The following TMPRSS9 variants were observed in gnomAD, a reference collection of about 807,000 sequenced individuals.
TMPRSS9 encodes the protein transmembrane serine protease 9.
A neutral mutation model predicts 111.4 loss-of-function variants in TMPRSS9; 113 were observed. That is an observed-to-expected ratio of 1.01 (90% CI 0.87 to 1.19). The LOEUF (loss-of-function observed/expected upper bound fraction) is 1.19, where lower values mean the gene tolerates loss of function less well. Among genes scored for constraint, TMPRSS9 ranks in the 50% most tolerant of loss-of-function variants. The pLI is 0.00. For synonymous variants in TMPRSS9, 805 were observed against 659.1 expected, an observed-to-expected ratio of 1.22 and a Z score of -3.39; for missense variants, 1,803 against 1,513.1, an observed-to-expected ratio of 1.19 and a Z score of -3.18.
chr19:2,386,002 TG>T (rs1970467487), upstream of TMPRSS9, among the ~76,000 whole-genome samples: 7 of 152,090 alleles, frequency 4.6e-5, no homozygotes. Flanking sequence ...TGGAGTGCAG[TG>T]GTGTGATCAC....
chr19:2,396,455 A>G, intron 1 of TMPRSS9, 84 bp from the exon 3 acceptor site: 1 of 1,450,940 alleles, frequency 6.9e-7, no homozygotes, highest in South Asian at 1.4e-5. Flanking sequence ...GTGAGTGCAA[A>G]CAGGGCGGGG....
intron 17 of TMPRSS9, 141 bp downstream of exon 18, chr19:2,425,634 C>T (rs1971603994): frequency 1.5e-6 from 2 of 1,369,546 alleles, no homozygotes; most frequent in Non-Finnish European, 1.9e-6. Context: ...GCCTTTTTGG[C>T]TCTGGAGGAA....
chr19:2,377,409 A>AAAGGCATGAGCCACCACACCTGGTCTTC lies in TMPRSS9; in HGVS notation c.-25-12352_-25-12351insAAGGCATGAGCCACCACACCTGGTCTTC, dbSNP rs796974218. ...CTCAGCCTCCCAAAGTGCTGGTATT[A>AAAGGCATGAGCCACCACACCTGGTCTTC]CAGGCATGAGCCACCACACCTGGTC... On this transcript the variant is annotated intron_variant, in intron 1 of 17. Coordinates refer to the TMPRSS9 transcript ENST00000649857. 5.7e-4 allele frequency among the ~76,000 whole-genome samples: 80 copies of AAAGGCATGAGCCACCACACCTGGTCTTC among 139,638 alleles called. 1 individual carries two copies. Among genetic ancestry groups the AAAGGCATGAGCCACCACACCTGGTCTTC allele is most frequent in the African/African-American group, 2.0e-3 (74 of 36,294 alleles). 91.6% of individuals were successfully genotyped at this position (139,638 alleles called of 152,430 possible). A position where few individuals can be genotyped will look rare whatever the true frequency, so the allele number is the denominator to read the frequency against.
intron 3 of TMPRSS9, 75 bp from the exon 5 acceptor site, chr19:2,398,943 A>C: frequency 6.5e-7 from 1 of 1,541,636 alleles, no homozygotes; most frequent in Middle Eastern, 1.7e-4. Flanking sequence ...AGTTTGGAAG[A>C]TTCTAGAAGA....
chr19:2,381,249 G>C (rs1432984243), intron 1 of TMPRSS9, among the ~76,000 whole-genome samples: 1 of 152,020 alleles, frequency 6.6e-6, no homozygotes, highest in Non-Finnish European at 1.5e-5. Context: ...TTCTTTCTGT[G>C]AACCAATAAT....
At chr19:2,408,390 G>T in exon 8 of TMPRSS9, 1 of 1,613,800 alleles carries the variant, frequency 6.2e-7, no homozygotes, top group East Asian at 2.2e-5. Context: ...GGCCTACGTG[G>T]GTGCGACCTA....
intron 1 of TMPRSS9, among the ~76,000 whole-genome samples, chr19:2,378,658 C>A (rs1970357282): frequency 6.6e-6 from 1 of 152,196 alleles, no homozygotes; most frequent in African/African-American, 2.4e-5. Flanking sequence ...GCAGAGGTTG[C>A]AGTGAGCCAA....
At chr19:2,399,418 A>G (rs1016231058) in intron 4 of TMPRSS9, among the ~76,000 whole-genome samples, 1 of 152,130 alleles carries the variant, frequency 6.6e-6, no homozygotes, top group Non-Finnish European at 1.5e-5. Context: ...TGTACTAAAA[A>G]TACAAAAATC....
chr19:2,410,336 C>T (rs936561410), exon 9 of TMPRSS9: 1 of 1,614,102 alleles, frequency 6.2e-7, no homozygotes, highest in Non-Finnish European at 8.5e-7. Context: ...TACGGCCATT[C>T]ACTCACTGAC....
intron 1 of TMPRSS9, among the ~76,000 whole-genome samples, chr19:2,391,565 CATGT>C (rs762037459): frequency 1.3e-5 from 2 of 148,170 alleles, no homozygotes; most frequent in African/African-American, 2.5e-5. Flanking sequence ...TTTGTGCATG[CATGT>C]GTGTGTCTGC....
chr19:2,363,813 C>CGCGCGTGT (rs1445768519), intron 1 of TMPRSS9, among the ~76,000 whole-genome samples: 215 of 112,826 alleles, frequency 1.9e-3, no homozygotes, highest in African/African-American at 6.9e-3. Flanking sequence ...TGCGTGCGCG[C>CGCGCGTGT]GTGTGTGTGT....
At chr19:2,363,397 C>T (rs151251856) in intron 1 of TMPRSS9, among the ~76,000 whole-genome samples, 314 of 151,188 alleles carry the variant, frequency 2.1e-3, no homozygotes, top group Middle Eastern at 0.021. Context: ...AAGGGCTTTG[C>T]GGAGACGTGG....
chr19:2,364,168 T>G (rs566974257), intron 1 of TMPRSS9, among the ~76,000 whole-genome samples: 4 of 151,596 alleles, frequency 2.6e-5, no homozygotes, highest in African/African-American at 9.7e-5. Context: ...GGTGACGGAG[T>G]GAGACCCTGT....
intron 1 of TMPRSS9, among the ~76,000 whole-genome samples, chr19:2,362,663 G>A (rs959293111): frequency 7.9e-5 from 12 of 152,170 alleles, no homozygotes; most frequent in African/African-American, 2.7e-4. Flanking sequence ...GATTGTATCA[G>A]TGTATGACTA....
At chr19:2,396,599 G>C in exon 2 of TMPRSS9, 1 of 1,611,896 alleles carries the variant, frequency 6.2e-7, no homozygotes, top group Non-Finnish European at 8.5e-7. Context: ...GGAATCCGGT[G>C]GACCAGCAGT....
At chr19:2,406,634 C>T (rs1389208212) in intron 7 of TMPRSS9, among the ~76,000 whole-genome samples, 2 of 150,264 alleles carry the variant, frequency 1.3e-5, no homozygotes, top group African/African-American at 2.4e-5. Flanking sequence ...CGTGCCTGGC[C>T]CACTTGCTGT....
At position 2,396,580 on chromosome 19, in the gene TMPRSS9, G is replaced by A. The variant is rs778706964; in HGVS notation, c.184G>A (p.Glu62Lys). 8.1e-6 allele frequency: 13 copies of A among 1,611,154 alleles called. No homozygotes were observed. In the African/African-American group the frequency reaches 9.3e-5, roughly 12 times the overall value. Residue 62 changes from glutamate (E) to lysine (K), a missense_variant, in exon 2 of 18, where the codon GAG becomes AAG. Coordinates refer to ENST00000648592, the Ensembl canonical transcript of TMPRSS9. Reference sequence around the variant, plus strand: ...GGGCTTCCACGTGGACCACACGGCCGAGCTGCGGGGAATCCGGTGGACCAG... The same window carrying A: ...GGGCTTCCACGTGGACCACACGGCCAAGCTGCGGGGAATCCGGTGGACCAG...
chr19:2,378,623 C>CT (rs1970357133), intron 1 of TMPRSS9, among the ~76,000 whole-genome samples: 1 of 152,166 alleles, frequency 6.6e-6, no homozygotes, highest in South Asian at 2.1e-4. Context: ...GAGGCTGAGG[C>CT]AGAAGAATTG....
At chr19:2,411,371 A>G (rs1971092727) in intron 9 of TMPRSS9, among the ~76,000 whole-genome samples, 1 of 139,420 alleles carries the variant, frequency 7.2e-6, no homozygotes, top group African/African-American at 2.6e-5. Flanking sequence ...CTTCTGCTGT[A>G]TACCTGGAAC....
Sources: gnomAD v4.1 joint callset for allele counts (sites outside exome capture counted in the v4.1 genomes callset) on GRCh38, gnomAD v4.1.1 for gene constraint, MANE v1.5 for transcripts, NCBI Gene and HGNC (gene_info 2026-07-23, HGNC 2026-07-21) for gene names.